The following UGP2 variants were observed in gnomAD, a reference collection of about 807,000 sequenced individuals.
UGP2 encodes UTP--glucose-1-phosphate uridylyltransferase.
UGP2 carries 40 observed loss-of-function variants against 49.0 expected under a neutral mutation model. The ratio of observed to expected loss-of-function variants is 0.82; its 90% CI spans 0.63 to 1.06. The LOEUF is 1.06. Ranked by LOEUF, UGP2 falls within the 50% of genes least tolerant of loss-of-function variation. UGP2 has a pLI of 0.00. For missense variants in UGP2, 460 were observed against 603.5 expected (o/e 0.76, Z 2.49); for synonymous variants, 225 against 213.0 (o/e 1.06, Z -0.49).
intron 3 of UGP2, among the ~76,000 whole-genome samples, chr2:63,875,914 A>T (rs2104334640): frequency 6.6e-6 from 1 of 152,256 alleles, no homozygotes; most frequent in Non-Finnish European, 1.5e-5. Flanking sequence ...TGACTGACTA[A>T]AGTGATTCAG....
chr2:63,856,713 G>T, intron 2 of UGP2: 1 of 494,102 alleles, frequency 2.0e-6, no homozygotes, highest in Admixed American at 2.4e-5. Context: ...GATGTCATTG[G>T]GTGGAGAAAT....
At chr2:63,859,167 AT>A (rs931158207) in intron 3 of UGP2, 6 of 150,590 alleles carry the variant, frequency 4.0e-5, no homozygotes, top group Admixed American at 6.6e-5. Context: ...TAATTTTTGT[AT>A]TTTTTTTGTA....
At chr2:63,855,520 G>GTTTTTT (rs372160888) in intron 1 of UGP2, 163 of 194,286 alleles carry the variant, frequency 8.4e-4, no homozygotes, top group Non-Finnish European at 1.1e-3. Flanking sequence ...TTCTTTTTCT[G>GTTTTTT]TTTTTTTTTT....
chr2:63,884,160 T>TA, intron 5 of UGP2, 67 bp downstream of exon 5: 2 of 1,574,522 alleles, frequency 1.3e-6, no homozygotes, highest in Non-Finnish European at 1.7e-6. Context: ...ATCTTGTTTA[T>TA]AACAGAGCAG....
At chr2:63,842,867 A>C (rs1671666269) in intron 1 of UGP2, among the ~76,000 whole-genome samples, 1 of 152,244 alleles carries the variant, frequency 6.6e-6, no homozygotes, top group East Asian at 1.9e-4. Context: ...GGGTTAGGGA[A>C]TGCCTCAACT....
chr2:63,872,858 C>T (rs1011004914), intron 3 of UGP2, among the ~76,000 whole-genome samples: 12 of 151,892 alleles, frequency 7.9e-5, no homozygotes, highest in African/African-American at 2.9e-4. Flanking sequence ...ATGTCTAAGC[C>T]AAGCAAAACA....
At position 63,884,993 on chromosome 2, in the gene UGP2, C is replaced by CTTTTTTTTTTTT. The variant is rs528966512; in HGVS notation, c.576-578_576-567dup. Reference sequence around the variant, plus strand: ...TTTTAAGATCTATTTCCCATGGTTACTTTTTTTTTTTTTTTTTTTTTTTTT... The same window carrying CTTTTTTTTTTTT: ...TTTTAAGATCTATTTCCCATGGTTACTTTTTTTTTTTTTTTTTTTTTTTTTTTTTTTTTTTTT... On this transcript the variant is annotated intron_variant, in intron 5 of 9. Coordinates refer to ENST00000337130, the MANE Select transcript of UGP2 (RefSeq NM_006759.4). Among the ~76,000 whole-genome samples, 17 of 23,150 alleles carry CTTTTTTTTTTTT rather than the reference C, an allele frequency of 7.3e-4. 2 individuals carry two copies. Among genetic ancestry groups the CTTTTTTTTTTTT allele is most frequent in the Non-Finnish European group, 9.8e-4 (13 of 13,214 alleles). The allele number at this position is 23,150 out of a possible 152,430, so 15.2% of individuals were successfully genotyped here.
chr2:63,857,555 G>A (rs777273321), intron 2 of UGP2: 5 of 484,082 alleles, frequency 1.0e-5, no homozygotes, highest in East Asian at 5.9e-5. Flanking sequence ...TGTAGACACC[G>A]GGTTTTGCCA....
Position 63,891,408 on chromosome 2 carries a change from C to T in UGP2, c.*181C>T. ...AAAAGCACAGATGGAGCAATACTTT[C>T]CTTCTTTGAAGAGAATCCCAAAAGT... On this transcript the variant is annotated 3_prime_UTR_variant, in exon 10 of 10. Transcript: ENST00000337130. 2.4e-6 allele frequency: 1 copy of T among 419,188 alleles called. No homozygotes were observed. 26.0% of individuals were successfully genotyped at this position (419,188 alleles called of 1,614,324 possible).
chr2:63,861,863 T>C (rs1558943323), intron 3 of UGP2, among the ~76,000 whole-genome samples: 2 of 152,068 alleles, frequency 1.3e-5, no homozygotes, highest in Non-Finnish European at 2.9e-5. Context: ...TTTTTTGTTT[T>C]GTTCCATAAA....
At chr2:63,869,575 G>A (rs773193737) in intron 3 of UGP2, among the ~76,000 whole-genome samples, 5 of 152,174 alleles carry the variant, frequency 3.3e-5, no homozygotes, top group South Asian at 4.1e-4. Context: ...AGAGGACAGC[G>A]CAAAATTTAG....
rs758358723 is a variant in UGP2, at chr2:63,890,148, CAGG to C, written c.1385_1387del (p.Gly462del). The C allele has an allele frequency of 7.8e-5, 126 of 1,611,420 alleles. No individual in the cohort carries two copies. Among genetic ancestry groups the C allele is most frequent in the Non-Finnish European group, 1.0e-4 (122 of 1,179,194 alleles). On this transcript the variant is annotated inframe_deletion, in exon 9 of 10. Coordinates refer to ENST00000337130, the MANE Select transcript of UGP2 (RefSeq NM_006759.4). ...CTTGAATTGGATCACCTCACAGTTT[CAGG>C]AGATGTGACATTTGGAAAAAATGTT...
intron 1 of UGP2, chr2:63,855,794 G>GCCT: frequency 6.8e-6 from 2 of 292,290 alleles, no homozygotes; most frequent in Non-Finnish European, 6.8e-6. Context: ...ACCCGCCTCA[G>GCCT]CCTCCCACAG....
rs188655059 is a variant in UGP2 at position 63,854,675 on chromosome 2, C to T, written c.20-1631C>T. ...TATTCGTTACAAGCCCTTCCTGATT[C>T]TTTAATCACTAAAAACAGAGCTTTT... On this transcript the variant is annotated intron_variant, in intron 1 of 9. Transcript: ENST00000337130. Among the ~76,000 whole-genome samples, 1,238 of 152,252 alleles carry T rather than the reference C, an allele frequency of 8.1e-3. 10 individuals are homozygous for T. Among genetic ancestry groups the T allele is most frequent in the South Asian group, 0.026 (127 of 4,828 alleles).
chr2:63,889,824 A>AAG (rs1671959388), intron 8 of UGP2: 1 of 305,876 alleles, frequency 3.3e-6, no homozygotes, highest in South Asian at 7.6e-5. Context: ...CTTTAAAAAA[A>AAG]AAAAGAAAAA....
intron 4 of UGP2, chr2:63,882,864 T>C: frequency 3.0e-6 from 1 of 333,108 alleles, no homozygotes; most frequent in Non-Finnish European, 5.2e-6. Flanking sequence ...GCACCTGTGG[T>C]TGTTGAAATC....
At chr2:63,878,746 T>G (rs1671097314) in intron 3 of UGP2, among the ~76,000 whole-genome samples, 1 of 152,166 alleles carries the variant, frequency 6.6e-6, no homozygotes, top group African/African-American at 2.4e-5. Context: ...AAAATTTTTT[T>G]GTAGAGGCAA....
chr2:63,844,286 AG>A (rs1037168628), intron 1 of UGP2, among the ~76,000 whole-genome samples: 24 of 152,220 alleles, frequency 1.6e-4, no homozygotes, highest in African/African-American at 5.8e-4. Context: ...TTCAAGTGTA[AG>A]GGTTGGAAAT....
intron 1 of UGP2, among the ~76,000 whole-genome samples, chr2:63,853,392 T>G (rs1196199029): frequency 1.3e-5 from 2 of 152,162 alleles, no homozygotes; most frequent in Non-Finnish European, 2.9e-5. Flanking sequence ...AGCTTTATCT[T>G]GATTATTTCC....
Sources: gnomAD v4.1 joint callset for allele counts (sites outside exome capture counted in the v4.1 genomes callset) on GRCh38, gnomAD v4.1.1 for gene constraint, MANE v1.5 for transcripts, NCBI Gene and HGNC (gene_info 2026-07-23, HGNC 2026-07-21) for gene names.